Variants in MALRD1 observed in about 807,000 individuals in gnomAD.
The protein encoded by MALRD1 is MAM and LDL-receptor class A domain-containing protein 1.
A neutral mutation model predicts 242.1 loss-of-function variants in MALRD1; 247 were observed. The ratio of observed to expected loss-of-function variants is 1.02; its 90% CI spans 0.92 to 1.13. MALRD1 has a LOEUF of 1.13. Among genes scored for constraint, MALRD1 ranks in the 50% most tolerant of loss-of-function variants. The probability of loss-of-function intolerance (pLI) is 0.00; values close to 1 mark genes in which losing one functional copy is unlikely to be tolerated. For synonymous variants in MALRD1, 995 were observed against 866.6 expected (o/e 1.15, Z -2.60); for missense variants, 2,989 against 2,533.1 (o/e 1.18, Z -3.86).
chr10:19,605,452 G>A (rs1838565576), intron 34 of MALRD1, among the ~76,000 whole-genome samples: 1 of 150,300 alleles, frequency 6.7e-6, no homozygotes, highest in Admixed American at 6.6e-5. Flanking sequence ...ACAGGCGTGA[G>A]CCACTGCGCC....
intron 32 of MALRD1, among the ~76,000 whole-genome samples, chr10:19,560,848 T>A (rs1000105717): frequency 2.0e-5 from 3 of 151,942 alleles, no homozygotes; most frequent in African/African-American, 7.3e-5. Flanking sequence ...TTAAGAGAAA[T>A]ACCTAATGTA....
chr10:19,435,358 C>T (rs10827409), intron 28 of MALRD1, among the ~76,000 whole-genome samples: 8,987 of 152,002 alleles, frequency 0.059, 321 homozygotes, highest in African/African-American at 0.095. Context: ...CAATATTGTC[C>T]GCTGTTAGTA....
intron 11 of MALRD1, among the ~76,000 whole-genome samples, chr10:19,148,513 A>G (rs1489187084): frequency 6.6e-6 from 1 of 152,112 alleles, no homozygotes; most frequent in Non-Finnish European, 1.5e-5. Flanking sequence ...GACTAGGAAA[A>G]ACACCAGATA....
intron 36 of MALRD1, among the ~76,000 whole-genome samples, chr10:19,629,388 A>T (rs1456240490): frequency 6.6e-6 from 1 of 152,106 alleles, no homozygotes; most frequent in East Asian, 1.9e-4. Context: ...CTCCGAGAGG[A>T]GTGGTGGGTT....
At chr10:19,466,507 G>T (rs1318653695) in intron 29 of MALRD1, among the ~76,000 whole-genome samples, 1 of 152,160 alleles carries the variant, frequency 6.6e-6, no homozygotes, top group Non-Finnish European at 1.5e-5. Flanking sequence ...TTAAACAAGA[G>T]AAGTTAACTT....
Position 19,389,535 on chromosome 10 carries a change from A to G in MALRD1, c.4771A>G (p.Ser1591Gly), listed in dbSNP as rs1262483149. Residue 1591 changes from serine to glycine, a missense_variant, in exon 28 of 40, where the codon AGT becomes GGT. Coordinates refer to ENST00000454679, the MANE Select transcript of MALRD1 (RefSeq NM_001142308.3). ...CAGGAGTACCATGTGGCGAGAATCCAGTGCAGCCTGCACCATGAGCTTCTG... is the reference window on the plus strand; with the variant it reads ...CAGGAGTACCATGTGGCGAGAATCCGGTGCAGCCTGCACCATGAGCTTCTG... ...HFRSTMWRES[S>G]AACTMSFWYF... The G allele has an allele frequency of 7.7e-6, 12 of 1,550,730 alleles. No individual in the cohort carries two copies. Among genetic ancestry groups the G allele is most frequent in the Non-Finnish European group, 1.0e-5 (12 of 1,146,968 alleles).
At chr10:19,341,136 TA>T (rs1843828592) in intron 24 of MALRD1, among the ~76,000 whole-genome samples, 1 of 152,094 alleles carries the variant, frequency 6.6e-6, no homozygotes, top group South Asian at 2.1e-4. Flanking sequence ...TATCTTTCTA[TA>T]TTTTTTACAA....
At position 19,324,086 on chromosome 10, in the gene MALRD1, C is replaced by A; in HGVS notation, c.3557C>A (p.Ala1186Asp). 6.5e-7 allele frequency: 1 copy of A among 1,550,166 alleles called. No individual in the cohort carries two copies. The highest frequency in any genetic ancestry group is 8.7e-7 in the Non-Finnish European group (1 of 1,146,710). The change falls in exon 22 of 40, where the codon GCC becomes GAC. Residue 1186 changes from alanine to aspartate, a missense_variant. Transcript: ENST00000454679. ...GTGTTCTGGACACATATGAATGGGG[C>A]CACCGTTGGTTCTCTCCAGGTACTG... Reference protein sequence around the residue: ...TLVFWTHMNGATVGSLQVLIK... With the variant: ...TLVFWTHMNGDTVGSLQVLIK...
Position 19,590,963 on chromosome 10 carries a change from C to G in MALRD1, c.5681-4231C>G, listed in dbSNP as rs1837747966. 2.0e-5 allele frequency among the ~76,000 whole-genome samples: 3 copies of G among 152,126 alleles called. No individual in the cohort carries two copies. In the South Asian group the frequency reaches 6.2e-4, roughly 31 times the overall value. ...GTGTTGAAAGTTCTGTGAACTTTGA[C>G]AAACATATAATGACATGTATCCACC... On this transcript the variant is annotated intron_variant, in intron 33 of 39. Transcript: ENST00000454679.
At chr10:19,335,191 T>TA (rs1843551660) in intron 24 of MALRD1, among the ~76,000 whole-genome samples, 2 of 99,370 alleles carry the variant, frequency 2.0e-5, no homozygotes, top group Non-Finnish European at 4.1e-5. Flanking sequence ...TGTTTTTTTT[T>TA]GTTTTTTTTT....
chr10:19,521,978 AT>A (rs1488989591), intron 31 of MALRD1, among the ~76,000 whole-genome samples: 1 of 151,888 alleles, frequency 6.6e-6, no homozygotes, highest in African/African-American at 2.4e-5. Context: ...TAATCTTTGC[AT>A]TTTCACATCT....
At chr10:19,475,394 G>A (rs1216884850) in intron 29 of MALRD1, among the ~76,000 whole-genome samples, 3 of 152,114 alleles carry the variant, frequency 2.0e-5, no homozygotes, top group Non-Finnish European at 2.9e-5. Flanking sequence ...CAGCCTGGGC[G>A]ACAGAGTAAG....
intron 26 of MALRD1, among the ~76,000 whole-genome samples, chr10:19,362,220 A>G (rs1180907060): frequency 2.0e-5 from 3 of 152,072 alleles, no homozygotes; most frequent in East Asian, 1.9e-4. Flanking sequence ...TTACTCCTAT[A>G]ATACTTGAAT....
chr10:19,155,600 G>T (rs532620964), intron 12 of MALRD1, among the ~76,000 whole-genome samples: 1 of 152,130 alleles, frequency 6.6e-6, no homozygotes, highest in African/African-American at 2.4e-5. Context: ...ACAAACTAAG[G>T]AGTGAAATAC....
At chr10:19,057,868 G>A (rs1238111877) in intron 1 of MALRD1, among the ~76,000 whole-genome samples, 3 of 152,180 alleles carry the variant, frequency 2.0e-5, no homozygotes, top group Non-Finnish European at 2.9e-5. Context: ...TGATAGTGTA[G>A]CATGTAAACT....
At chr10:19,708,685 A>T (rs1833974986) in intron 38 of MALRD1, among the ~76,000 whole-genome samples, 1 of 121,182 alleles carries the variant, frequency 8.3e-6, no homozygotes, top group Non-Finnish European at 1.9e-5. Flanking sequence ...TTTTTGAGAC[A>T]GAGCCTCGCA....
At chr10:19,182,004 G>A (rs1182435732) in intron 14 of MALRD1, among the ~76,000 whole-genome samples, 1 of 151,920 alleles carries the variant, frequency 6.6e-6, no homozygotes, top group African/African-American at 2.4e-5. Context: ...ATAGAAAGTA[G>A]GTAAGTCCTC....
chr10:19,557,295 G>A (rs1264677628), intron 32 of MALRD1, among the ~76,000 whole-genome samples: 1 of 151,890 alleles, frequency 6.6e-6, no homozygotes, highest in East Asian at 1.9e-4. Flanking sequence ...ATTTAACAAA[G>A]TCCAACTTAC....
At chr10:19,641,464 C>CA (rs1478913081) in intron 36 of MALRD1, among the ~76,000 whole-genome samples, 1 of 152,120 alleles carries the variant, frequency 6.6e-6, no homozygotes, top group Non-Finnish European at 1.5e-5. Context: ...AAGACACCTG[C>CA]ACTAAGAAAG....
Sources: allele counts gnomAD v4.1 joint callset (sites outside exome capture counted in the v4.1 genomes callset), GRCh38; gene constraint gnomAD v4.1.1; transcripts MANE v1.5; gene names NCBI Gene and HGNC (gene_info 2026-07-23, HGNC 2026-07-21).